ARHGAP42: variants seen among roughly 807,000 people sequenced by gnomAD.
ARHGAP42 encodes the protein rho GTPase-activating protein 42.
ARHGAP42 carries 63 observed loss-of-function variants against 125.0 expected under a neutral mutation model. The observed-to-expected ratio is 0.50, with a 90% CI of 0.41 to 0.62. The LOEUF is 0.62. Among genes scored for constraint, ARHGAP42 ranks in the 20% least tolerant of loss-of-function variants. The pLI is 0.00. For synonymous variants in ARHGAP42, 339 were observed against 351.0 expected (o/e 0.97, Z 0.38); for missense variants, 766 against 1,024.2 (o/e 0.75, Z 3.44).
Position 100,960,048 on chromosome 11 carries a change from C to T in ARHGAP42, c.1225+103C>T, listed in dbSNP as rs537749215. On this transcript the variant is annotated intron_variant, in intron 13 of 23. Transcript: ENST00000298815. ...CATTGAAGATGTATTTGGTCATTAA[C>T]ATGGATTAATTTTAAGAGTAATATA... is the stretch of plus-strand genomic sequence containing the variant. The T allele has an allele frequency of 1.0e-5, 11 of 1,054,800 alleles. No individual in the cohort carries two copies. In the Admixed American group the frequency reaches 1.3e-4, roughly 13 times the overall value. The allele number at this position is 1,054,800 out of a possible 1,614,324, so 65.3% of individuals were successfully genotyped here.
At chr11:100,963,583 G>A (rs1374738401) in intron 16 of ARHGAP42, among the ~76,000 whole-genome samples, 6 of 152,124 alleles carry the variant, frequency 3.9e-5, no homozygotes, top group African/African-American at 7.2e-5. Flanking sequence ...GAATGACCTC[G>A]GTTTTCAATC....
chr11:100,690,020 C>G (rs993684260), intron 1 of ARHGAP42, among the ~76,000 whole-genome samples: 2 of 152,088 alleles, frequency 1.3e-5, no homozygotes, highest in African/African-American at 4.8e-5. Flanking sequence ...CTGCCCTGAC[C>G]ACTAGCCCAG....
At chr11:100,762,970 ATTTTTTT>A (rs553749625) in intron 1 of ARHGAP42, among the ~76,000 whole-genome samples, 81 of 85,010 alleles carry the variant, frequency 9.5e-4, no homozygotes, top group Admixed American at 2.2e-3. Flanking sequence ...GTTTATAGTG[ATTTTTTT>A]TTTTTTTTTT....
chr11:100,926,204 C>T (rs900318606), intron 6 of ARHGAP42, among the ~76,000 whole-genome samples: 13 of 152,154 alleles, frequency 8.5e-5, no homozygotes. Flanking sequence ...TTGTGAGCAA[C>T]TACTATGTGC....
At chr11:100,693,951 T>C (rs578068850) in intron 1 of ARHGAP42, among the ~76,000 whole-genome samples, 6 of 152,032 alleles carry the variant, frequency 3.9e-5, no homozygotes, top group Admixed American at 6.6e-5. Context: ...TTTTTTTTTT[T>C]TGATGGAGTC....
At chr11:100,768,131 T>TA (rs1299627426) in intron 1 of ARHGAP42, among the ~76,000 whole-genome samples, 3 of 152,122 alleles carry the variant, frequency 2.0e-5, no homozygotes, top group Admixed American at 6.6e-5. Context: ...TTCTGTTAAA[T>TA]AAAAAATATT....
intron 4 of ARHGAP42, among the ~76,000 whole-genome samples, chr11:100,907,906 A>G (rs1384258773): frequency 2.0e-5 from 3 of 152,182 alleles, no homozygotes; most frequent in Non-Finnish European, 4.4e-5. Context: ...GGTTTTTACT[A>G]TTACTTAAGT....
chr11:100,909,511 T>C (rs1866851560), intron 4 of ARHGAP42, among the ~76,000 whole-genome samples: 1 of 151,980 alleles, frequency 6.6e-6, no homozygotes, highest in Non-Finnish European at 1.5e-5. Flanking sequence ...GCCCAGCTAA[T>C]TTTTGTGTTT....
Position 100,991,603 on chromosome 11 carries a change from C to A in ARHGAP42, c.*2802C>A, listed in dbSNP as rs926796780. Reference sequence around the variant, plus strand: ...ATTTGTGTGTTTCACAGATGACTCTCTTGTTTTGCCGTAATGCTACCAAGT... The same window carrying A: ...ATTTGTGTGTTTCACAGATGACTCTATTGTTTTGCCGTAATGCTACCAAGT... On this transcript the variant is annotated 3_prime_UTR_variant, in exon 24 of 24. Coordinates refer to ENST00000298815, the MANE Select transcript of ARHGAP42 (RefSeq NM_152432.4). The A allele has an allele frequency of 2.6e-4, 40 of 152,128 alleles. No individual in the cohort carries two copies. Among genetic ancestry groups the A allele is most frequent in the African/African-American group, 9.7e-4 (40 of 41,420 alleles). The allele number at this position is 152,128 out of a possible 1,614,324, so 9.4% of individuals were successfully genotyped here. A position where few individuals can be genotyped will look rare whatever the true frequency, so the allele number is the denominator to read the frequency against.
intron 12 of ARHGAP42, among the ~76,000 whole-genome samples, chr11:100,952,422 T>C (rs575434212): frequency 1.4e-4 from 21 of 152,314 alleles, no homozygotes; most frequent in African/African-American, 4.6e-4. Context: ...TTAAGTATTA[T>C]GTTGAAATTA....
At chr11:100,695,689 A>G (rs1403565970) in intron 1 of ARHGAP42, among the ~76,000 whole-genome samples, 4 of 152,234 alleles carry the variant, frequency 2.6e-5, no homozygotes, top group African/African-American at 9.6e-5. Flanking sequence ...TTTATCAAAA[A>G]TCCAGTTATA....
chr11:100,914,999 G>A (rs1436934015), intron 5 of ARHGAP42, among the ~76,000 whole-genome samples: 2 of 151,980 alleles, frequency 1.3e-5, no homozygotes, highest in African/African-American at 4.8e-5. Context: ...TTAACATTGG[G>A]AAGTTTTGTT....
At chr11:100,793,690 G>A (rs1170314847) in intron 2 of ARHGAP42, among the ~76,000 whole-genome samples, 7 of 152,014 alleles carry the variant, frequency 4.6e-5, no homozygotes, top group Admixed American at 4.6e-4. Context: ...CTTTGTTGTT[G>A]GCTTTATGCC....
intron 16 of ARHGAP42, among the ~76,000 whole-genome samples, chr11:100,964,167 G>A (rs1034349219): frequency 1.3e-5 from 2 of 152,120 alleles, no homozygotes; most frequent in African/African-American, 4.8e-5. Context: ...TAAAGGGGAA[G>A]TTATTCAGAT....
intron 1 of ARHGAP42, among the ~76,000 whole-genome samples, chr11:100,767,872 G>A (rs17095426): frequency 0.26 from 39,571 of 152,070 alleles, 5,397 homozygotes; most frequent in Non-Finnish European, 0.3. Flanking sequence ...AATTAAAAAC[G>A]AAACTGTCTA....
In ARHGAP42 at chr11:100,914,025, C is replaced by G. The variant is rs749336588; in HGVS notation, c.486+472C>G. On this transcript the variant is annotated intron_variant, in intron 5 of 23. Transcript: ENST00000298815. Reference sequence around the variant, plus strand: ...TCTCAGCTCACTGCAACCTCTGCCTCCTGGGTTCAAGCAATTCTTGTGCTG... The same window carrying G: ...TCTCAGCTCACTGCAACCTCTGCCTGCTGGGTTCAAGCAATTCTTGTGCTG... Among the ~76,000 whole-genome samples, 54 of 152,126 alleles carry G rather than the reference C, an allele frequency of 3.5e-4. 1 individual carries two copies. Among genetic ancestry groups the G allele is most frequent in the Non-Finnish European group, 6.6e-4 (45 of 68,024 alleles).
chr11:100,808,297 C>T (rs1239426871), intron 3 of ARHGAP42, among the ~76,000 whole-genome samples: 1 of 151,120 alleles, frequency 6.6e-6, no homozygotes, highest in African/African-American at 2.4e-5. Flanking sequence ...GAAGAAAATG[C>T]AAATTTAACT....
chr11:100,881,189 T>C (rs1426879959), intron 4 of ARHGAP42, among the ~76,000 whole-genome samples: 1 of 152,170 alleles, frequency 6.6e-6, no homozygotes, highest in Non-Finnish European at 1.5e-5. Context: ...GTTTTTCTGA[T>C]GTTATCTTCT....
chr11:100,693,550 A>G (rs577451370), intron 1 of ARHGAP42, among the ~76,000 whole-genome samples: 66 of 152,292 alleles, frequency 4.3e-4, no homozygotes, highest in African/African-American at 1.6e-3. Context: ...CATGATCTCC[A>G]TGAGCTTAAT....
Sources: gnomAD v4.1 joint callset for allele counts (sites outside exome capture counted in the v4.1 genomes callset) on GRCh38, gnomAD v4.1.1 for gene constraint, MANE v1.5 for transcripts, NCBI Gene and HGNC (gene_info 2026-07-23, HGNC 2026-07-21) for gene names.